PAK1: variants seen among roughly 807,000 people sequenced by gnomAD.
PAK1 encodes p21 (RAC1) activated kinase 1, also known as serine/threonine-protein kinase PAK 1.
Under a neutral mutation model 67.4 loss-of-function variants are expected in PAK1, and 29 were observed. That is an observed-to-expected ratio of 0.43 (90% CI 0.32 to 0.59). The LOEUF is 0.59. PAK1 is among the 20% of genes least tolerant of loss of function. The probability of loss-of-function intolerance (pLI) is 0.07; values close to 1 mark genes in which losing one functional copy is unlikely to be tolerated. For missense variants in PAK1, 337 were observed against 670.7 expected (o/e 0.50, Z 5.50); for synonymous variants, 223 against 237.4 (o/e 0.94, Z 0.56).
chr11:77,353,296 T>C, intron 8 of PAK1: 1 of 415,894 alleles, frequency 2.4e-6, no homozygotes, highest in Non-Finnish European at 4.3e-6. Flanking sequence ...AAAAAACCGT[T>C]CTCTCACTGT....
the PAK1 span, among the ~76,000 whole-genome samples, chr11:77,498,926 C>T: frequency 6.6e-6 from 1 of 151,894 alleles, no homozygotes; most frequent in East Asian, 1.9e-4. Context: ...GTCTCGAACT[C>T]CTGACCTTGT....
chr11:77,365,354 A>G lies in PAK1; in HGVS notation c.478-6337T>C, dbSNP rs542839616. On this transcript the variant is annotated intron_variant, in intron 5 of 14. Coordinates refer to ENST00000356341, the MANE Select transcript of PAK1 (RefSeq NM_002576.5). ...AAAAAATTAAAGAAAAAAACAGAGCATCAAAGAGCTGTGGAACAACATAAA... is the reference window on the plus strand; with the variant it reads ...AAAAAATTAAAGAAAAAAACAGAGCGTCAAAGAGCTGTGGAACAACATAAA... Among the ~76,000 whole-genome samples the G allele has an allele frequency of 8.6e-4, 130 of 151,670 alleles. 2 individuals carry two copies. Among genetic ancestry groups the G allele is most frequent in the South Asian group, 2.1e-3 (10 of 4,806 alleles).
At chr11:77,439,543 C>T (rs1219264682) in intron 1 of PAK1, among the ~76,000 whole-genome samples, 2 of 151,118 alleles carry the variant, frequency 1.3e-5, no homozygotes, top group African/African-American at 4.8e-5. Flanking sequence ...AAATTTCAGT[C>T]CCTAATATTC....
At chr11:77,478,449 T>C (rs1371640389), upstream of PAK1, among the ~76,000 whole-genome samples, 1 of 152,158 alleles carries the variant, frequency 6.6e-6, no homozygotes, top group South Asian at 2.1e-4. Flanking sequence ...CAAAGAGCTC[T>C]GATTCTTTTC....
intron 1 of PAK1, among the ~76,000 whole-genome samples, chr11:77,446,972 T>C (rs1263853638): frequency 6.6e-6 from 1 of 151,066 alleles, no homozygotes; most frequent in Non-Finnish European, 1.5e-5. Flanking sequence ...GCAGCAAAGA[T>C]GTGTGGTCCC....
At chr11:77,489,639 C>CG in the PAK1 span, among the ~76,000 whole-genome samples, 1 of 152,006 alleles carries the variant, frequency 6.6e-6, no homozygotes, top group South Asian at 2.1e-4. Flanking sequence ...TTGGTGGAGA[C>CG]GGGGTTTCAC....
intron 1 of PAK1, among the ~76,000 whole-genome samples, chr11:77,462,601 G>A (rs547759463): frequency 8.5e-5 from 13 of 152,118 alleles, no homozygotes; most frequent in African/African-American, 3.1e-4. Context: ...GGAGCCCAAG[G>A]CTGGCAGATC....
At chr11:77,396,942 C>G (rs1031838732) in intron 1 of PAK1, 4 of 152,176 alleles carry the variant, frequency 2.6e-5, no homozygotes, top group African/African-American at 9.7e-5. Context: ...ATTTTAAAAC[C>G]TGTACCATTT....
chr11:77,365,119 G>C (rs1328516747), intron 5 of PAK1, among the ~76,000 whole-genome samples: 1 of 151,802 alleles, frequency 6.6e-6, no homozygotes, highest in African/African-American at 2.4e-5. Flanking sequence ...GGGTGCGGTG[G>C]CACGTGCCTG....
chr11:77,467,074 C>T (rs990271497), intron 1 of PAK1, among the ~76,000 whole-genome samples: 2 of 152,224 alleles, frequency 1.3e-5, no homozygotes, highest in Non-Finnish European at 2.9e-5. Context: ...TACTAAACTA[C>T]ACAGGGCTCC....
intron 1 of PAK1, among the ~76,000 whole-genome samples, chr11:77,438,921 A>T (rs1445493268): frequency 6.6e-6 from 1 of 152,204 alleles, no homozygotes; most frequent in African/African-American, 2.4e-5. Context: ...CAAAGACATG[A>T]GGATGAATTT....
chr11:77,496,593 A>G, the PAK1 span, among the ~76,000 whole-genome samples: 57,575 of 151,826 alleles, frequency 0.38, 11,734 homozygotes, highest in Admixed American at 0.5. Flanking sequence ...CAGCCTGGAT[A>G]ACAGAGCAAG....
the PAK1 span, among the ~76,000 whole-genome samples, chr11:77,522,095 C>A: frequency 6.6e-6 from 1 of 152,186 alleles, no homozygotes; most frequent in African/African-American, 2.4e-5. Context: ...GCATAAAGTG[C>A]AGCAAGAATA....
At chr11:77,483,022 C>T in the PAK1 span, among the ~76,000 whole-genome samples, 1 of 152,048 alleles carries the variant, frequency 6.6e-6, no homozygotes, top group African/African-American at 2.4e-5. Context: ...TAGGGTGAAA[C>T]CTTGTCTCTA....
intron 14 of PAK1, among the ~76,000 whole-genome samples, chr11:77,332,180 C>G (rs1383866933): frequency 6.7e-6 from 1 of 148,360 alleles, no homozygotes; most frequent in East Asian, 2.0e-4. Flanking sequence ...TGGTGGCGTG[C>G]ACCTGTAGTC....
At chr11:77,514,013 TAA>T in the PAK1 span, among the ~76,000 whole-genome samples, 3 of 152,314 alleles carry the variant, frequency 2.0e-5, no homozygotes, top group African/African-American at 7.2e-5. Flanking sequence ...TAAGGAATGA[TAA>T]GAGTCATTAT....
chr11:77,473,106 C>G (rs139892613), intron 1 of PAK1, among the ~76,000 whole-genome samples: 163 of 152,300 alleles, frequency 1.1e-3, no homozygotes, highest in African/African-American at 3.8e-3. Context: ...GGTGACTGTC[C>G]AAGCCTGGAA....
chr11:77,355,840 T>C lies in PAK1; in HGVS notation c.600A>G (p.Val200=), dbSNP rs775594927. 4.3e-6 allele frequency: 7 copies of C among 1,612,976 alleles called. No individual in the cohort carries two copies. Among genetic ancestry groups the C allele is most frequent in the Non-Finnish European group, 5.9e-6 (7 of 1,179,244 alleles). Reference sequence around the variant, plus strand: ...GTGGTTCAATCACAGACCGTGTGTATACCTGCATTATTAGTGCAAAATTTT... The same window carrying C: ...GTGGTTCAATCACAGACCGTGTGTACACCTGCATTATTAGTGCAAAATTTT... ...IAPRPEHTKS[V]YTRSVIEPLP... is the part of the protein sequence containing the mutation. Residue 200 remains valine (V), a splice_region_variant and synonymous_variant, in exon 7 of 15, where the codon GTA becomes GTG. Coordinates refer to ENST00000356341, the MANE Select transcript of PAK1 (RefSeq NM_002576.5).
upstream of PAK1, among the ~76,000 whole-genome samples, chr11:77,477,311 A>G (rs1262749147): frequency 6.6e-6 from 1 of 152,232 alleles, no homozygotes; most frequent in Non-Finnish European, 1.5e-5. Context: ...TATAAATAAG[A>G]GTTGAGTTCC....
Sources: gnomAD v4.1 joint callset for allele counts (sites outside exome capture counted in the v4.1 genomes callset) on GRCh38, gnomAD v4.1.1 for gene constraint, MANE v1.5 for transcripts, NCBI Gene and HGNC (gene_info 2026-07-23, HGNC 2026-07-21) for gene names.